Variants in MAF observed in about 807,000 individuals in gnomAD.
MAF encodes transcription factor Maf.
Under a neutral mutation model 22.0 loss-of-function variants are expected in MAF, and 10 were observed. The observed-to-expected ratio is 0.45, with a 90% CI of 0.28 to 0.77. The LOEUF is 0.77. Among genes scored for constraint, MAF ranks in the 30% least tolerant of loss-of-function variants. The pLI is 0.12. For missense variants in MAF, 544 were observed against 548.4 expected (o/e 0.99, Z 0.08); for synonymous variants, 337 against 255.8 (o/e 1.32, Z -3.03).
chr16:79,215,757 G>C, the MAF span, among the ~76,000 whole-genome samples: 2,529 of 152,228 alleles, frequency 0.017, 77 homozygotes, highest in African/African-American at 0.058. Context: ...GGAAATTCAA[G>C]GTTTAAAGTA....
chr16:79,259,222 C>T, the MAF span, among the ~76,000 whole-genome samples: 1 of 152,148 alleles, frequency 6.6e-6, no homozygotes, highest in African/African-American at 2.4e-5. Context: ...TGCTCAGTCC[C>T]CTTGGCCTTC....
At chr16:79,251,313 TATC>T in the MAF span, among the ~76,000 whole-genome samples, 3 of 98,764 alleles carry the variant, frequency 3.0e-5, no homozygotes, top group African/African-American at 1.5e-4. Context: ...TTTAAGTCTT[TATC>T]TTTTTTTTTT....
the MAF span, chr16:79,212,215 G>A: frequency 1.4e-6 from 2 of 1,435,096 alleles, no homozygotes; most frequent in Middle Eastern, 2.3e-4. Context: ...GGAAGAAAAA[G>A]CAAGTGTTCA....
the MAF span, among the ~76,000 whole-genome samples, chr16:79,372,642 G>A: frequency 2.0e-5 from 3 of 152,234 alleles, no homozygotes; most frequent in Middle Eastern, 3.4e-3. Context: ...TGGCGGGTGA[G>A]CCCCCAGCAG....
the MAF span, among the ~76,000 whole-genome samples, chr16:79,378,754 A>G: frequency 5.1e-4 from 77 of 152,318 alleles, no homozygotes; most frequent in African/African-American, 1.8e-3. Flanking sequence ...TCAAGTGGGT[A>G]TATGCTAATA....
At chr16:79,510,077 T>C in the MAF span, among the ~76,000 whole-genome samples, 1 of 152,216 alleles carries the variant, frequency 6.6e-6, no homozygotes, top group African/African-American at 2.4e-5. Context: ...TGCCATTTAC[T>C]AGCTCGGCGA....
the MAF span, among the ~76,000 whole-genome samples, chr16:79,463,037 A>G: frequency 6.6e-6 from 1 of 152,194 alleles, no homozygotes; most frequent in Non-Finnish European, 1.5e-5. Flanking sequence ...ATTTCAGTCA[A>G]TGGGAATCTC....
At chr16:79,372,530 T>C in the MAF span, among the ~76,000 whole-genome samples, 7 of 152,164 alleles carry the variant, frequency 4.6e-5, no homozygotes, top group Non-Finnish European at 7.3e-5. Flanking sequence ...TTCAGAAAGA[T>C]TACATCAGAC....
chr16:79,458,992 ATTTCCTG>A, the MAF span, among the ~76,000 whole-genome samples: 18 of 152,234 alleles, frequency 1.2e-4, 1 homozygote, highest in African/African-American at 4.3e-4. Flanking sequence ...TCTTTCCCAG[ATTTCCTG>A]GGAAGAAAAT....
the MAF span, among the ~76,000 whole-genome samples, chr16:79,539,177 C>A: frequency 6.6e-6 from 1 of 152,312 alleles, no homozygotes; most frequent in African/African-American, 2.4e-5. Flanking sequence ...CTAATTCAGT[C>A]TTTCTGGAAA....
the MAF span, among the ~76,000 whole-genome samples, chr16:79,386,957 G>A: frequency 2.6e-5 from 4 of 152,208 alleles, no homozygotes; most frequent in Admixed American, 1.3e-4. Flanking sequence ...TCTAGCTTTA[G>A]AGTTGGTTAT....
At chr16:79,460,908 A>T in the MAF span, among the ~76,000 whole-genome samples, 1 of 152,166 alleles carries the variant, frequency 6.6e-6, no homozygotes. Flanking sequence ...CACAACATAA[A>T]AACATTTTAT....
At chr16:79,212,723 T>TC in the MAF span, 2 of 152,302 alleles carry the variant, frequency 1.3e-5, no homozygotes, top group African/African-American at 2.4e-5. Context: ...TTTTTGTTTT[T>TC]CATTTTTTAG....
the MAF span, among the ~76,000 whole-genome samples, chr16:79,210,014 A>T: frequency 1.3e-5 from 2 of 152,204 alleles, no homozygotes; most frequent in Non-Finnish European, 2.9e-5. Context: ...GGAGGTAACA[A>T]ACCAGCTACT....
the MAF span, among the ~76,000 whole-genome samples, chr16:79,377,222 G>A: frequency 6.6e-6 from 1 of 152,172 alleles, no homozygotes; most frequent in African/African-American, 2.4e-5. Context: ...CATTCTAACT[G>A]GTGTGAGATG....
the MAF span, among the ~76,000 whole-genome samples, chr16:79,359,079 G>C: frequency 2.0e-5 from 3 of 152,208 alleles, no homozygotes; most frequent in African/African-American, 7.2e-5. Flanking sequence ...AGATCCACAG[G>C]CATCCCCGGA....
chr16:79,219,211 C>T, the MAF span, among the ~76,000 whole-genome samples: 1 of 152,268 alleles, frequency 6.6e-6, no homozygotes, highest in East Asian at 1.9e-4. Flanking sequence ...TTCCGGCTTT[C>T]CTGATTTTAT....
the MAF span, among the ~76,000 whole-genome samples, chr16:79,403,430 A>G: frequency 6.6e-6 from 1 of 152,230 alleles, no homozygotes; most frequent in East Asian, 1.9e-4. Context: ...GAAAGGTCTC[A>G]GCATCAGGAT....
At chr16:79,265,482 G>A in the MAF span, among the ~76,000 whole-genome samples, 3 of 148,296 alleles carry the variant, frequency 2.0e-5, no homozygotes, top group Non-Finnish European at 3.0e-5. Context: ...ATCCAAGTAC[G>A]ATATGTTCCA....
Sources: gnomAD v4.1 joint callset for allele counts (sites outside exome capture counted in the v4.1 genomes callset) on GRCh38, gnomAD v4.1.1 for gene constraint, MANE v1.5 for transcripts, NCBI Gene and HGNC (gene_info 2026-07-23, HGNC 2026-07-21) for gene names.